Variants in DOP1B observed in about 807,000 individuals in gnomAD.
DOP1B encodes DOP1 leucine zipper like protein B.
A neutral mutation model predicts 233.5 loss-of-function variants in DOP1B; 174 were observed. The observed-to-expected ratio is 0.75, with a 90% CI of 0.66 to 0.85. DOP1B has a LOEUF of 0.85. DOP1B is among the 40% of genes least tolerant of loss of function. The pLI is 0.00. For missense variants in DOP1B, 2,652 were observed against 2,846.6 expected, an observed-to-expected ratio of 0.93 and a Z score of 1.56; for synonymous variants, 1,190 against 1,185.6, an observed-to-expected ratio of 1.00 and a Z score of -0.08.
chr21:36,293,467 C>T lies in DOP1B; in HGVS notation c.6793C>T (p.Pro2265Ser). Residue 2265 changes from proline to serine, a missense_variant, in exon 37 of 37, where the codon CCA (proline) becomes TCA (serine). Coordinates refer to ENST00000691173, the MANE Select transcript of DOP1B (RefSeq NM_001320714.2). Reference sequence around the variant, plus strand: ...CCAGAGACAGCTGCCTGCTGATAGCCCAGGAACTCCATTCTTGGACTTTCC... The same window carrying T: ...CCAGAGACAGCTGCCTGCTGATAGCTCAGGAACTCCATTCTTGGACTTTCC... ...KTQRQLPADS[P>S]GTPFLDFPVT... is the part of the protein sequence containing the mutation. The T allele has an allele frequency of 6.2e-7, 1 of 1,614,122 alleles. No homozygotes were observed. The highest frequency in any genetic ancestry group is 1.1e-5 in the South Asian group (1 of 91,080).
At chr21:36,292,081 G>C in intron 35 of DOP1B, 23 bp from the exon 36 acceptor site, 1 of 1,579,556 alleles carries the variant, frequency 6.3e-7, no homozygotes, top group South Asian at 1.2e-5. Context: ...CAGCAGACCT[G>C]ACCTTCTGTT....
intron 2 of DOP1B, among the ~76,000 whole-genome samples, chr21:36,180,885 C>CAA (rs60982930): frequency 2.4e-4 from 33 of 134,782 alleles, no homozygotes; most frequent in East Asian, 8.7e-4. Flanking sequence ...GACTGTGTCT[C>CAA]AAAAAAAAAA....
At position 36,289,179 on chromosome 21, in the gene DOP1B, C is replaced by T; in HGVS notation, c.6488C>T (p.Pro2163Leu). The part of the protein sequence containing the change: ...CKFLDTALSF[P>L]PDKMPLFQIY... ...TTCTTGGACACAGCGCTTTCTTTTC[C>T]ACCTGACAAGATGCCATTATTTCAA... is the stretch of plus-strand genomic sequence containing the variant. The change falls in exon 35 of 37, where the codon CCA (proline) becomes CTA (leucine). Residue 2163 changes from proline to leucine, a missense_variant. Physicochemically the swap from Pro to Leu is moderately conservative, Grantham distance 98. Coordinates refer to ENST00000691173, the MANE Select transcript of DOP1B (RefSeq NM_001320714.2). 6.2e-7 allele frequency: 1 copy of T among 1,613,772 alleles called. No individual in the cohort carries two copies. Among genetic ancestry groups the T allele is most frequent in the South Asian group, 1.1e-5 (1 of 90,932 alleles).
chr21:36,169,076 T>C, intron 2 of DOP1B: 1 of 871,424 alleles, frequency 1.1e-6, no homozygotes, highest in Non-Finnish European at 1.9e-6. Context: ...GGAGGTGGTG[T>C]CAGTGAACTT....
intron 13 of DOP1B, among the ~76,000 whole-genome samples, chr21:36,229,324 A>G (rs542592601): frequency 6.6e-5 from 10 of 152,246 alleles, no homozygotes; most frequent in African/African-American, 2.4e-4. Flanking sequence ...CTGGGGAAAA[A>G]GAGTCTGTCT....
At chr21:36,197,482 G>T (rs1465513506) in intron 2 of DOP1B, among the ~76,000 whole-genome samples, 1 of 152,162 alleles carries the variant, frequency 6.6e-6, no homozygotes, top group Admixed American at 6.6e-5. Context: ...TGTCTTAGAT[G>T]CTCTTCCCAA....
chr21:36,227,659 G>A, intron 12 of DOP1B, 27 bp from the exon 13 acceptor site: 1 of 1,466,404 alleles, frequency 6.8e-7, no homozygotes, highest in Non-Finnish European at 9.1e-7. Context: ...CAACATTGTG[G>A]GGTTAACCTA....
At chr21:36,224,873 A>C (rs563006503) in intron 11 of DOP1B, among the ~76,000 whole-genome samples, 8 of 152,104 alleles carry the variant, frequency 5.3e-5, no homozygotes, top group African/African-American at 1.9e-4. Context: ...GGAGAGGAGT[A>C]GTCCCAGGCC....
chr21:36,197,942 T>G (rs1421390583), intron 2 of DOP1B, among the ~76,000 whole-genome samples: 2 of 144,896 alleles, frequency 1.4e-5, no homozygotes, highest in Admixed American at 7.1e-5. Flanking sequence ...ACCCAGGAGG[T>G]ACAGGAGGTG....
At chr21:36,223,379 A>C in intron 11 of DOP1B, 29 bp downstream of exon 11, 1 of 1,596,974 alleles carries the variant, frequency 6.3e-7, no homozygotes, top group Non-Finnish European at 8.5e-7. Context: ...AATGCAGAAT[A>C]TTTAGGAAGG....
In DOP1B at chr21:36,281,487, G is replaced by A. The variant is rs959039537; in HGVS notation, c.6036G>A (p.Met2012Ile). Residue 2012 changes from methionine (M) to isoleucine (I), a missense_variant, in exon 32 of 37, where the codon ATG (methionine) becomes ATA (isoleucine). Coordinates refer to ENST00000691173, the MANE Select transcript of DOP1B (RefSeq NM_001320714.2). Reference protein sequence around the residue: ...EKTMFKDLMNMQSSSLKLFSS... With the variant: ...EKTMFKDLMNIQSSSLKLFSS... ...ACATTGCTGTATTTATTCTAGACAT[G>A]CAGAGCAGTTCTTTGAAACTATTCT... 1 of 1,597,442 alleles carries A rather than the reference G, an allele frequency of 6.3e-7. No homozygotes were observed. The highest frequency in any genetic ancestry group is 1.3e-5 in the African/African-American group (1 of 74,636).
In DOP1B at chr21:36,245,134, G is replaced by A. The variant is rs1436722948; in HGVS notation, c.3154G>A (p.Glu1052Lys). ...CGAGCCTCAGGAGAGCGGCTCTGAAGAGCACCTGCCTCTGAGCCAGTTCAC... is the reference window on the plus strand; with the variant it reads ...CGAGCCTCAGGAGAGCGGCTCTGAAAAGCACCTGCCTCTGAGCCAGTTCAC... ...VPEPQESGSEEHLPLSQFTTV... is the reference protein window; with the variant it reads ...VPEPQESGSEKHLPLSQFTTV... Residue 1052 changes from glutamate to lysine, a missense_variant, in exon 19 of 37, where the codon GAG (glutamate) becomes AAG (lysine). Glu to Lys is a moderately conservative substitution (Grantham distance 56, BLOSUM62 1). This residue lies in a region of DOP1B where 2,617 missense variants were observed against 2,794.3 expected (regional missense o/e 0.94). Transcript: ENST00000691173. The surrounding 1 kb of genome is among the most constrained non-coding windows in gnomAD (Gnocchi z 5.5). 3 of 1,613,830 alleles carry A rather than the reference G, an allele frequency of 1.9e-6. No homozygotes were observed. Among genetic ancestry groups the A allele is most frequent in the African/African-American group, 1.3e-5 (1 of 75,066 alleles).
intron 2 of DOP1B, chr21:36,169,774 T>G: frequency 1.6e-6 from 2 of 1,263,066 alleles, no homozygotes; most frequent in Non-Finnish European, 2.3e-6. Flanking sequence ...ATCCTGCCAT[T>G]TCTTGCAGTA....
intron 23 of DOP1B, among the ~76,000 whole-genome samples, chr21:36,257,980 G>T (rs1177029800): frequency 6.6e-6 from 1 of 150,626 alleles, no homozygotes; most frequent in Non-Finnish European, 1.5e-5. Flanking sequence ...GGTAGATGTA[G>T]GTAGGTAGGT....
rs750289466 is a variant in DOP1B, at chr21:36,288,103, TCTC to T, written c.6254_6256del (p.Pro2085del). The T allele has an allele frequency of 6.2e-7, 1 of 1,614,098 alleles. No individual in the cohort carries two copies. The highest frequency in any genetic ancestry group is 8.5e-7 in the Non-Finnish European group (1 of 1,180,000). ...TTTCAGAGTTTTGCTGCTAAGAATA[TCTC>T]CTCAACATTTGACTTCATTGTGGCC... On this transcript the variant is annotated inframe_deletion, in exon 33 of 37. Coordinates refer to ENST00000691173, the MANE Select transcript of DOP1B (RefSeq NM_001320714.2).
Position 36,293,314 on chromosome 21 carries a change from C to T in DOP1B, c.6646-6C>T, listed in dbSNP as rs1408097572. On this transcript the variant is annotated splice_polypyrimidine_tract_variant and splice_region_variant and intron_variant, in intron 36 of 36. Transcript: ENST00000691173. ...TATCATTGTTATGGGTTTGTTTTTT[C>T]TGCAGGAAATCAGTAGCTCTGATGA... The T allele has an allele frequency of 1.2e-6, 2 of 1,609,678 alleles. No homozygotes were observed. Among genetic ancestry groups the T allele is most frequent in the Non-Finnish European group, 1.7e-6 (2 of 1,177,694 alleles).
chr21:36,254,947 C>CTTTT lies in DOP1B; in HGVS notation c.5259+1055_5259+1058dup, dbSNP rs35630827. 4.7e-5 allele frequency among the ~76,000 whole-genome samples: 6 copies of CTTTT among 127,664 alleles called. 1 individual carries two copies. Among genetic ancestry groups the CTTTT allele is most frequent in the East Asian group, 2.2e-4 (1 of 4,558 alleles). The allele number at this position is 127,664 out of a possible 152,430, so 83.8% of individuals were successfully genotyped here. ...CAAGGGCAAATTAAAATTTGTGTAA[C>CTTTT]TTTTTTTTTTTTTTTTTTTTGAGAC... On this transcript the variant is annotated intron_variant, in intron 23 of 36. Transcript: ENST00000691173.
chr21:36,262,186 T>C (rs1390727782), intron 24 of DOP1B, among the ~76,000 whole-genome samples: 1 of 152,168 alleles, frequency 6.6e-6, no homozygotes, highest in African/African-American at 2.4e-5. Flanking sequence ...CTCCAGGAGT[T>C]AAAGATGAGC....
At chr21:36,274,077 AAAAG>A (rs1289563619) in intron 27 of DOP1B, among the ~76,000 whole-genome samples, 2 of 152,022 alleles carry the variant, frequency 1.3e-5, no homozygotes, top group Non-Finnish European at 2.9e-5. Context: ...CTGTCTCAAA[AAAAG>A]AAAGAAAGCA....
Sources: allele counts gnomAD v4.1 joint callset (sites outside exome capture counted in the v4.1 genomes callset), GRCh38; gene constraint gnomAD v4.1.1; regional missense constraint gnomAD v4.1.1; non-coding constraint Gnocchi (gnomAD v3.1); transcripts MANE v1.5; gene names NCBI Gene and HGNC (gene_info 2026-07-23, HGNC 2026-07-21).